Variants in MECOM observed in about 807,000 individuals in gnomAD.
The protein encoded by MECOM is histone-lysine N-methyltransferase MECOM.
MECOM carries 13 observed loss-of-function variants against 116.3 expected under a neutral mutation model. The observed-to-expected ratio is 0.11, with a 90% CI of 0.07 to 0.18. The LOEUF (loss-of-function observed/expected upper bound fraction) is 0.18. Among genes scored for constraint, MECOM ranks in the 10% least tolerant of loss-of-function variants. MECOM has a pLI of 1.00. For missense variants in MECOM, 1,299 were observed against 1,509.0 expected (o/e 0.86, Z 2.31); for synonymous variants, 528 against 535.2 (o/e 0.99, Z 0.19).
At chr3:169,557,694 C>T (rs1762195834) in intron 1 of MECOM, among the ~76,000 whole-genome samples, 1 of 152,158 alleles carries the variant, frequency 6.6e-6, no homozygotes, top group Non-Finnish European at 1.5e-5. Context: ...CCAGGTAGGG[C>T]TAATCCCTCA....
chr3:169,333,943 A>G (rs1325038056), intron 2 of MECOM, among the ~76,000 whole-genome samples: 3 of 141,082 alleles, frequency 2.1e-5, no homozygotes, highest in African/African-American at 8.0e-5. Flanking sequence ...TCTTTAAAGC[A>G]TAAGAGCAAA....
chr3:169,183,108 G>C (rs1459422439), intron 2 of MECOM, among the ~76,000 whole-genome samples: 1 of 152,170 alleles, frequency 6.6e-6, no homozygotes, highest in Admixed American at 6.5e-5. Context: ...TATCTCTCAT[G>C]AGGTAATGCA....
intron 2 of MECOM, among the ~76,000 whole-genome samples, chr3:169,284,402 C>T (rs1324348252): frequency 2.0e-5 from 3 of 152,082 alleles, no homozygotes; most frequent in Non-Finnish European, 4.4e-5. Context: ...ATTTTTCCCT[C>T]AGCTTAATCC....
intron 2 of MECOM, among the ~76,000 whole-genome samples, chr3:169,228,376 G>C (rs369299981): frequency 2.0e-5 from 3 of 152,116 alleles, no homozygotes; most frequent in African/African-American, 7.2e-5. Context: ...TGATGCAGGC[G>C]TATGTTACGA....
rs557232877 is a variant in MECOM at position 169,124,406 on chromosome 3, G to C, written c.831-1679C>G. ...ACAGAGAGAGACACAGAGAGAAAGAGACTGCCCTCTGGGGGAGCCTTTAGA... is the reference window on the plus strand; with the variant it reads ...ACAGAGAGAGACACAGAGAGAAAGACACTGCCCTCTGGGGGAGCCTTTAGA... On this transcript the variant is annotated intron_variant, in intron 5 of 16. Transcript: ENST00000651503. Among the ~76,000 whole-genome samples the C allele has an allele frequency of 1.2e-4, 18 of 152,164 alleles. No homozygotes were observed. In the South Asian group the frequency reaches 3.7e-3, roughly 32 times the overall value.
intron 2 of MECOM, among the ~76,000 whole-genome samples, chr3:169,284,207 G>A (rs1002055589): frequency 3.3e-5 from 5 of 152,154 alleles, no homozygotes; most frequent in East Asian, 1.9e-4. Context: ...TTTAGGTTAC[G>A]ACACAGGGAA....
chr3:169,146,706 G>A, intron 2 of MECOM: 1 of 1,257,672 alleles, frequency 8.0e-7, no homozygotes, highest in Non-Finnish European at 1.0e-6. Flanking sequence ...TCCTTTTAAA[G>A]TGAGGAGTTC....
chr3:169,603,525 A>G (rs1270751008), intron 1 of MECOM, among the ~76,000 whole-genome samples: 2 of 152,232 alleles, frequency 1.3e-5, no homozygotes, highest in Non-Finnish European at 2.9e-5. Context: ...GGGCTTTCAC[A>G]TTCACTCACC....
intron 2 of MECOM, among the ~76,000 whole-genome samples, chr3:169,306,086 G>A (rs1363995816): frequency 6.6e-6 from 1 of 151,962 alleles, no homozygotes; most frequent in African/African-American, 2.4e-5. Flanking sequence ...ATATTACTTT[G>A]TAATATAATT....
intron 2 of MECOM, among the ~76,000 whole-genome samples, chr3:169,295,536 T>C (rs992900153): frequency 1.3e-5 from 2 of 152,230 alleles, no homozygotes; most frequent in Admixed American, 6.5e-5. Flanking sequence ...AATTACTTTA[T>C]TGTAGGGCAT....
At chr3:169,617,876 G>A (rs1020082872) in intron 1 of MECOM, among the ~76,000 whole-genome samples, 2 of 152,144 alleles carry the variant, frequency 1.3e-5, no homozygotes, top group Non-Finnish European at 2.9e-5. Context: ...CCTGAGCCTT[G>A]ACCAGCCCTG....
rs549517398 is a variant in MECOM at position 169,429,527 on chromosome 3, C to T, written c.38-48003G>A. Among the ~76,000 whole-genome samples the T allele has an allele frequency of 2.6e-5, 4 of 152,202 alleles. No homozygotes were observed. The East Asian group carries it at 7.7e-4, about 29-fold the overall frequency. On this transcript the variant is annotated intron_variant, in intron 1 of 16. Transcript: ENST00000651503. ...CACATGTTCAACAAATATTTGTTGCCTGAATGTTGCATGGATGAGTAAACA... is the reference window on the plus strand; with the variant it reads ...CACATGTTCAACAAATATTTGTTGCTTGAATGTTGCATGGATGAGTAAACA...
At chr3:169,318,976 G>C (rs1301704742) in intron 2 of MECOM, among the ~76,000 whole-genome samples, 4 of 152,052 alleles carry the variant, frequency 2.6e-5, no homozygotes, top group South Asian at 4.2e-4. Flanking sequence ...GTGGGTGCCT[G>C]TAATCCCAGC....
At chr3:169,642,420 C>T (rs1412206194) in intron 1 of MECOM, among the ~76,000 whole-genome samples, 1 of 149,640 alleles carries the variant, frequency 6.7e-6, no homozygotes, top group Non-Finnish European at 1.5e-5. Flanking sequence ...GCCCTCCAGC[C>T]CGGGCAACAG....
At chr3:169,124,149 T>C (rs1732008294) in intron 5 of MECOM, among the ~76,000 whole-genome samples, 1 of 152,042 alleles carries the variant, frequency 6.6e-6, no homozygotes, top group African/African-American at 2.4e-5. Context: ...CGGGTAGAAA[T>C]AAATGGCACC....
intron 1 of MECOM, among the ~76,000 whole-genome samples, chr3:169,536,319 T>C (rs976215178): frequency 2.6e-5 from 4 of 151,686 alleles, no homozygotes; most frequent in African/African-American, 9.7e-5. Context: ...GTTAGTGGAT[T>C]TGGAGCTCTG....
At chr3:169,660,753 C>T (rs1378385441) in intron 1 of MECOM, among the ~76,000 whole-genome samples, 1 of 152,126 alleles carries the variant, frequency 6.6e-6, no homozygotes, top group Non-Finnish European at 1.5e-5. Context: ...CAACCATCTC[C>T]GCCACGCGCT....
At chr3:169,237,556 T>C (rs1044457454) in intron 2 of MECOM, among the ~76,000 whole-genome samples, 2 of 143,612 alleles carry the variant, frequency 1.4e-5, no homozygotes, top group Non-Finnish European at 1.5e-5. Context: ...CTAGAATGCA[T>C]GCTTCATGAG....
intron 1 of MECOM, chr3:169,476,904 G>A (rs1372487406): frequency 1.3e-5 from 2 of 149,822 alleles, no homozygotes; most frequent in East Asian, 3.9e-4. Context: ...TTCCACTGAT[G>A]AGAAAACCGG....
Sources: gnomAD v4.1 joint callset for allele counts (sites outside exome capture counted in the v4.1 genomes callset) on GRCh38, gnomAD v4.1.1 for gene constraint, MANE v1.5 for transcripts, NCBI Gene and HGNC (gene_info 2026-07-23, HGNC 2026-07-21) for gene names.